Variants in PARD3B observed in about 807,000 individuals in gnomAD.
PARD3B encodes the protein par-3 family cell polarity regulator beta, also known as partitioning defective 3 homolog B.
PARD3B carries 103 observed loss-of-function variants against 130.2 expected under a neutral mutation model. That is an observed-to-expected ratio of 0.79 (90% CI 0.67 to 0.93). The LOEUF is 0.93. Ranked by LOEUF, PARD3B falls within the 40% of genes least tolerant of loss-of-function variation. The probability of loss-of-function intolerance (pLI) is 0.00; values close to 1 mark genes in which losing one functional copy is unlikely to be tolerated. For missense variants in PARD3B, 1,609 were observed against 1,499.2 expected (o/e 1.07, Z -1.21); for synonymous variants, 583 against 553.2 (o/e 1.05, Z -0.76).
chr2:205,311,995 A>G (rs2042403768), intron 18 of PARD3B, among the ~76,000 whole-genome samples: 1 of 152,214 alleles, frequency 6.6e-6, no homozygotes, highest in Non-Finnish European at 1.5e-5. Context: ...TACATTACCC[A>G]TAAAGATACA....
chr2:204,545,781 T>G lies in PARD3B; in HGVS notation c.-219T>G. The G allele has an allele frequency of 6.6e-6, 3 of 455,768 alleles. No individual in the cohort carries two copies. Among genetic ancestry groups the G allele is most frequent in the Non-Finnish European group, 1.1e-5 (3 of 265,080 alleles). 28.2% of individuals were successfully genotyped at this position (455,768 alleles called of 1,614,324 possible). On this transcript the variant is annotated 5_prime_UTR_variant, in exon 1 of 23. Coordinates refer to ENST00000406610, the MANE Select transcript of PARD3B (RefSeq NM_001302769.2). ...CCCGGGCCGCCGGGCACCTGGGAGG[T>G]AACCCCTTTCCGCGGCCGCCCCTCC...
intron 20 of PARD3B, among the ~76,000 whole-genome samples, chr2:205,454,674 G>T (rs1170188511): frequency 6.6e-6 from 1 of 152,128 alleles, no homozygotes; most frequent in African/African-American, 2.4e-5. Context: ...CTTCCATGTA[G>T]ATGCAGAAGA....
At position 205,263,219 on chromosome 2, in the gene PARD3B, C is replaced by T. The variant is rs1006084906; in HGVS notation, c.2185+17397C>T. Among the ~76,000 whole-genome samples the T allele has an allele frequency of 3.3e-5, 5 of 152,036 alleles. No individual in the cohort carries two copies. Among genetic ancestry groups the T allele is most frequent in the Non-Finnish European group, 7.4e-5 (5 of 67,968 alleles). On this transcript the variant is annotated intron_variant, in intron 16 of 22. Coordinates refer to ENST00000406610, the MANE Select transcript of PARD3B (RefSeq NM_001302769.2). This position sits in a 1 kb window ranked among gnomAD's most constrained non-coding sequence, Gnocchi z 4.0. Reference sequence around the variant, plus strand: ...CTATTAGTTAATGGTTCTTTCTCTTCTGTCTTCAGATTTTCCCTCTTGATT... The same window carrying T: ...CTATTAGTTAATGGTTCTTTCTCTTTTGTCTTCAGATTTTCCCTCTTGATT...
At chr2:204,726,742 A>G (rs1219892339) in intron 2 of PARD3B, among the ~76,000 whole-genome samples, 1 of 152,024 alleles carries the variant, frequency 6.6e-6, no homozygotes, top group Admixed American at 6.6e-5. Flanking sequence ...TTTCAATTGC[A>G]TTTCCTCCCT....
intron 1 of PARD3B, among the ~76,000 whole-genome samples, chr2:204,552,621 G>T (rs1245888315): frequency 6.6e-6 from 1 of 152,122 alleles, no homozygotes; most frequent in Non-Finnish European, 1.5e-5. Flanking sequence ...ACAGAATGTT[G>T]TAGTTTCAGG....
At chr2:205,517,630 T>C (rs1429216157) in intron 21 of PARD3B, among the ~76,000 whole-genome samples, 1 of 152,142 alleles carries the variant, frequency 6.6e-6, no homozygotes, top group Non-Finnish European at 1.5e-5. Context: ...AGCTTTGGGG[T>C]TGATTCGTTC....
rs201423117 is a variant in PARD3B at position 205,473,684 on chromosome 2, G to A, written c.3045-26212G>A. On this transcript the variant is annotated intron_variant, in intron 20 of 22. Transcript: ENST00000406610. This position sits in a 1 kb window ranked among gnomAD's most constrained non-coding sequence, Gnocchi z 4.9. The stretch of plus-strand genomic sequence containing the variant: ...TGTGTGTGTGTGTGTGTGTGTGTAT[G>A]TATATATATATATATATATATATAT... Among the ~76,000 whole-genome samples the A allele has an allele frequency of 4.5e-3, 518 of 114,514 alleles. 2 individuals carry two copies. The highest frequency in any genetic ancestry group is 0.031 in the East Asian group (112 of 3,640). 75.1% of individuals were successfully genotyped at this position (114,514 alleles called of 152,430 possible).
chr2:204,712,009 CAAATCTCT>C (rs1361160392), intron 2 of PARD3B, among the ~76,000 whole-genome samples: 2 of 151,954 alleles, frequency 1.3e-5, no homozygotes, highest in African/African-American at 4.8e-5. Context: ...AAATGTAGAC[CAAATCTCT>C]AAACTTTTGT....
At chr2:204,922,387 G>T (rs372547460) in intron 2 of PARD3B, among the ~76,000 whole-genome samples, 1 of 152,110 alleles carries the variant, frequency 6.6e-6, no homozygotes, top group African/African-American at 2.4e-5. Context: ...GGTGGTAGAA[G>T]GTAGTCAACA....
intron 21 of PARD3B, among the ~76,000 whole-genome samples, chr2:205,512,152 C>T (rs10207236): frequency 0.47 from 71,605 of 151,946 alleles, 17,980 homozygotes; most frequent in Middle Eastern, 0.67. Flanking sequence ...ACGATTGTAA[C>T]GACACATACT....
chr2:205,301,407 G>A lies in PARD3B; in HGVS notation c.2393-57G>A. 6.4e-7 allele frequency: 1 copy of A among 1,563,718 alleles called. No individual in the cohort carries two copies. On this transcript the variant is annotated intron_variant, in intron 17 of 22. Coordinates refer to ENST00000406610, the MANE Select transcript of PARD3B (RefSeq NM_001302769.2). This position sits in a 1 kb window ranked among gnomAD's most constrained non-coding sequence, Gnocchi z 5.2. ...GCATTTTACATGTTAGCGTTTCTCT[G>A]TATACTAACTGAGTGTGCCCCTGAC...
chr2:204,704,951 T>C (rs1242635981), intron 2 of PARD3B, among the ~76,000 whole-genome samples: 1 of 152,174 alleles, frequency 6.6e-6, no homozygotes, highest in African/African-American at 2.4e-5. Context: ...CGAGGCATTA[T>C]GTAGTAGTAT....
intron 1 of PARD3B, among the ~76,000 whole-genome samples, chr2:204,559,640 A>G (rs2125053396): frequency 1.3e-5 from 2 of 152,342 alleles, no homozygotes; most frequent in South Asian, 4.1e-4. Context: ...CAATTCCTCA[A>G]GGATCTAGAG....
chr2:204,634,830 T>C (rs187440022), intron 1 of PARD3B, among the ~76,000 whole-genome samples: 101 of 152,312 alleles, frequency 6.6e-4, no homozygotes, highest in African/African-American at 2.2e-3. Context: ...ATTATTTCAT[T>C]GGGGGCTCAC....
intron 20 of PARD3B, among the ~76,000 whole-genome samples, chr2:205,441,017 T>C (rs2047696345): frequency 6.6e-6 from 1 of 152,178 alleles, no homozygotes; most frequent in Non-Finnish European, 1.5e-5. Flanking sequence ...TTCAGGAAGA[T>C]GGCATGGCAC....
rs1687497286 is a variant in PARD3B at position 204,925,061 on chromosome 2, A to G, written c.223-40091A>G. Among the ~76,000 whole-genome samples the G allele has an allele frequency of 2.6e-5, 4 of 152,190 alleles. No homozygotes were observed. In the South Asian group the frequency reaches 8.3e-4, roughly 32 times the overall value. ...TATAAATATATGTGTATATACAGGT[A>G]TCTATGTATATAAGATATATATGTG... On this transcript the variant is annotated intron_variant, in intron 2 of 22. Coordinates refer to ENST00000406610, the MANE Select transcript of PARD3B (RefSeq NM_001302769.2).
At chr2:204,617,820 A>G (rs1428939156) in intron 1 of PARD3B, among the ~76,000 whole-genome samples, 1 of 152,116 alleles carries the variant, frequency 6.6e-6, no homozygotes, top group Admixed American at 6.6e-5. Flanking sequence ...TCCTGTGTTA[A>G]GTTGCTTAGG....
intron 16 of PARD3B, among the ~76,000 whole-genome samples, chr2:205,290,495 A>G (rs1191296169): frequency 6.6e-6 from 1 of 152,196 alleles, no homozygotes; most frequent in Non-Finnish European, 1.5e-5. Context: ...AATTGAAAGA[A>G]GGTTGAGTGT....
At chr2:204,641,519 TG>T (rs2035076275) in intron 1 of PARD3B, among the ~76,000 whole-genome samples, 1 of 152,172 alleles carries the variant, frequency 6.6e-6, no homozygotes, top group African/African-American at 2.4e-5. Flanking sequence ...TGTTCATGCT[TG>T]TTGTAAATAA....
Sources: allele counts gnomAD v4.1 joint callset (sites outside exome capture counted in the v4.1 genomes callset), GRCh38; gene constraint gnomAD v4.1.1; non-coding constraint Gnocchi (gnomAD v3.1); transcripts MANE v1.5; gene names NCBI Gene and HGNC (gene_info 2026-07-23, HGNC 2026-07-21).